The following ITSN1 variants were observed in gnomAD, a reference collection of about 807,000 sequenced individuals.
The protein encoded by ITSN1 is intersectin 1.
ITSN1 carries 58 observed loss-of-function variants against 239.8 expected under a neutral mutation model. The ratio of observed to expected loss-of-function variants is 0.24; its 90% CI spans 0.20 to 0.30. The LOEUF (loss-of-function observed/expected upper bound fraction) is 0.30, where lower values mean the gene tolerates loss of function less well. Ranked by LOEUF, ITSN1 falls within the 10% of genes least tolerant of loss-of-function variation. The probability of loss-of-function intolerance (pLI) is 1.00; values close to 1 mark genes in which losing one functional copy is unlikely to be tolerated. For synonymous variants in ITSN1, 780 were observed against 770.8 expected, an observed-to-expected ratio of 1.01 and a Z score of -0.20; for missense variants, 1,558 against 2,103.3, an observed-to-expected ratio of 0.74 and a Z score of 5.07.
chr21:33,731,057 T>A (rs902147879), intron 4 of ITSN1, among the ~76,000 whole-genome samples: 2 of 152,222 alleles, frequency 1.3e-5, no homozygotes, highest in African/African-American at 4.8e-5. Flanking sequence ...CCCACAGTTA[T>A]GTTTATTGAG....
chr21:33,778,493 TTTGA>T, intron 14 of ITSN1, among the ~76,000 whole-genome samples: 1 of 152,064 alleles, frequency 6.6e-6, no homozygotes, highest in East Asian at 1.9e-4. Flanking sequence ...TTGAATCTGT[TTTGA>T]TTATCTGTCA....
intron 39 of ITSN1, among the ~76,000 whole-genome samples, chr21:33,887,676 G>A (rs1219261749): frequency 1.3e-5 from 2 of 152,048 alleles, no homozygotes; most frequent in African/African-American, 4.8e-5. Flanking sequence ...TGCAATCACA[G>A]CTCACTGCAG....
In ITSN1 at chr21:33,755,276, TC is replaced by T. The variant is rs1175022409; in HGVS notation, c.624-19del. Reference sequence around the variant, plus strand: ...TTCCTTATGGATAATCCTCTTTCTCTCCTTTTTCTTTTCCCCACAGTGTCCC... The same window carrying T: ...TTCCTTATGGATAATCCTCTTTCTCTCTTTTTCTTTTCCCCACAGTGTCCC... On this transcript the variant is annotated intron_variant, in intron 7 of 39. Coordinates refer to ENST00000381318, the MANE Select transcript of ITSN1 (RefSeq NM_003024.3). 1 of 1,473,036 alleles carries T rather than the reference TC, an allele frequency of 6.8e-7. No individual in the cohort carries two copies. The highest frequency in any genetic ancestry group is 9.4e-7 in the Non-Finnish European group (1 of 1,063,780). The allele number at this position is 1,473,036 out of a possible 1,614,324, so 91.2% of individuals were successfully genotyped here.
intron 5 of ITSN1, among the ~76,000 whole-genome samples, chr21:33,744,186 T>A (rs2067041834): frequency 6.6e-6 from 1 of 152,192 alleles, no homozygotes; most frequent in South Asian, 2.1e-4. Flanking sequence ...AAAAATAATT[T>A]AATGCATTCA....
chr21:33,863,415 G>A (rs954265699), intron 31 of ITSN1, among the ~76,000 whole-genome samples: 1 of 152,252 alleles, frequency 6.6e-6, no homozygotes, highest in Non-Finnish European at 1.5e-5. Context: ...CAGCACTTTG[G>A]GAGGCCAAGG....
chr21:33,855,820 C>T (rs977167332), intron 29 of ITSN1, among the ~76,000 whole-genome samples: 3 of 152,260 alleles, frequency 2.0e-5, no homozygotes, highest in Non-Finnish European at 4.4e-5. Flanking sequence ...TGCTGCTCAG[C>T]TGCCCCAGGG....
At chr21:33,644,419 G>T (rs918942642) in intron 1 of ITSN1, among the ~76,000 whole-genome samples, 2 of 151,980 alleles carry the variant, frequency 1.3e-5, no homozygotes, top group Non-Finnish European at 2.9e-5. Context: ...CTGATAGTAT[G>T]ATCTTTTTTT....
chr21:33,852,933 C>T (rs536720735), intron 29 of ITSN1, among the ~76,000 whole-genome samples: 21 of 152,290 alleles, frequency 1.4e-4, no homozygotes, highest in African/African-American at 5.1e-4. Context: ...TTTCCATTTA[C>T]CCTACTTTGA....
In ITSN1 at chr21:33,774,818, A is replaced by G. The variant is rs758847510; in HGVS notation, c.1395A>G (p.Gln465=). Residue 465 remains glutamine (Q), a synonymous_variant, in exon 13 of 40, where the codon CAA becomes CAG. Transcript: ENST00000381318. ...TACTAAATCAAAGAAACAAAGAACA[A>G]GAGGACATAGTTGTACTGAAAGCAA... ...QELLNQRNKE[Q]EDIVVLKAKK... 6.2e-7 allele frequency: 1 copy of G among 1,614,066 alleles called. No individual in the cohort carries two copies. The highest frequency in any genetic ancestry group is 1.1e-5 in the South Asian group (1 of 91,078).
At chr21:33,741,456 G>T (rs1399436119) in intron 5 of ITSN1, among the ~76,000 whole-genome samples, 1 of 152,152 alleles carries the variant, frequency 6.6e-6, no homozygotes, top group Non-Finnish European at 1.5e-5. Context: ...AATGAGATGT[G>T]TGGTAATGTG....
intron 5 of ITSN1, among the ~76,000 whole-genome samples, chr21:33,745,818 C>G (rs2067145912): frequency 6.6e-6 from 1 of 152,180 alleles, no homozygotes; most frequent in African/African-American, 2.4e-5. Flanking sequence ...TGAGGCTATG[C>G]ACATGTGTCG....
chr21:33,750,328 T>G lies in ITSN1; in HGVS notation c.526+6T>G, dbSNP rs1303225584. On this transcript the variant is annotated splice_donor_region_variant and intron_variant, in intron 6 of 39. Coordinates refer to ENST00000381318, the MANE Select transcript of ITSN1 (RefSeq NM_003024.3). ...GCCTGCATTTGCTCATCCTGGTATG[T>G]GACTTGCTGAAACCATAGGCTGAGT... The G allele has an allele frequency of 6.2e-7, 1 of 1,612,096 alleles. No homozygotes were observed. Among genetic ancestry groups the G allele is most frequent in the African/African-American group, 1.3e-5 (1 of 74,888 alleles).
At chr21:33,848,285 A>AG (rs1232489661) in intron 29 of ITSN1, among the ~76,000 whole-genome samples, 1 of 152,166 alleles carries the variant, frequency 6.6e-6, no homozygotes, top group African/African-American at 2.4e-5. Flanking sequence ...TCTTAATAAG[A>AG]GGGGGAAATG....
chr21:33,712,074 A>G lies in ITSN1; in HGVS notation c.-32-6723A>G, dbSNP rs182766346. Among the ~76,000 whole-genome samples, 226 of 152,086 alleles carry G rather than the reference A, an allele frequency of 1.5e-3. 2 individuals are homozygous for G. Among genetic ancestry groups the G allele is most frequent in the African/African-American group, 5.1e-3 (213 of 41,490 alleles). ...CTCTGCTGATAACTTGTATCTTTCC[A>G]TGCATTTGTGTTTGTGTTTGCCTCA... On this transcript the variant is annotated intron_variant, in intron 1 of 39. Coordinates refer to ENST00000381318, the MANE Select transcript of ITSN1 (RefSeq NM_003024.3).
chr21:33,721,781 G>A lies in ITSN1; in HGVS notation c.121+511G>A, dbSNP rs151164152. On this transcript the variant is annotated intron_variant, in intron 3 of 39. Transcript: ENST00000381318. ...TGCACTCCAGCCTGGGTGACAGAGCGAGACTCCATCTCAAAAATAAACAAA... is the reference window on the plus strand; with the variant it reads ...TGCACTCCAGCCTGGGTGACAGAGCAAGACTCCATCTCAAAAATAAACAAA... 5.8e-3 allele frequency among the ~76,000 whole-genome samples: 878 copies of A among 151,718 alleles called. 10 individuals carry two copies. The highest frequency in any genetic ancestry group is 0.02 in the African/African-American group (837 of 41,346).
In ITSN1 at chr21:33,710,804, TG is replaced by T. The variant is rs1234971405; in HGVS notation, c.-32-7992del. On this transcript the variant is annotated intron_variant, in intron 1 of 39. Transcript: ENST00000381318. ...TGGCTTTCTTTTGGGGGAAGTTTTT[TG>T]TTTTTTTTTTTTTTCTTTTGAGACG... is the stretch of plus-strand genomic sequence containing the variant. Among the ~76,000 whole-genome samples the T allele has an allele frequency of 3.4e-3, 516 of 150,752 alleles. 3 individuals are homozygous for T. The highest frequency in any genetic ancestry group is 0.012 in the African/African-American group (489 of 41,042).
intron 29 of ITSN1, among the ~76,000 whole-genome samples, chr21:33,845,482 G>A (rs1286311129): frequency 3.3e-5 from 5 of 151,882 alleles, no homozygotes; most frequent in Non-Finnish European, 7.4e-5. Context: ...AATCATCCAG[G>A]GGATTCCCGG....
chr21:33,877,283 G>T (rs964543115), intron 34 of ITSN1, among the ~76,000 whole-genome samples: 2 of 151,970 alleles, frequency 1.3e-5, no homozygotes, highest in African/African-American at 4.8e-5. Context: ...CGAACTCCTG[G>T]CCTCAGAAGA....
Position 33,787,818 on chromosome 21 carries a change from A to ACCC in ITSN1, c.1824+5685_1824+5686insCCC, listed in dbSNP as rs1428474759. Among the ~76,000 whole-genome samples the ACCC allele has an allele frequency of 9.2e-5, 14 of 152,296 alleles. No homozygotes were observed. The East Asian group carries it at 2.3e-3, about 25-fold the overall frequency. On this transcript the variant is annotated intron_variant, in intron 16 of 39. Coordinates refer to ENST00000381318, the MANE Select transcript of ITSN1 (RefSeq NM_003024.3). ...CATGTTGCTTTGTCATAATTAGTAG[A>ACCC]ATAATGTTTGGTTCTTTCATTCTGT...
Sources: allele counts gnomAD v4.1 joint callset (sites outside exome capture counted in the v4.1 genomes callset), GRCh38; gene constraint gnomAD v4.1.1; transcripts MANE v1.5; gene names NCBI Gene and HGNC (gene_info 2026-07-23, HGNC 2026-07-21).